The following ACOX1 variants were observed in gnomAD, a reference collection of about 807,000 sequenced individuals.
The protein encoded by ACOX1 is peroxisomal acyl-coenzyme A oxidase 1.
ACOX1 carries 41 observed loss-of-function variants against 75.5 expected under a neutral mutation model. The observed-to-expected ratio is 0.54, with a 90% confidence interval of 0.42 to 0.70. The LOEUF is 0.70. ACOX1 is among the 30% of genes least tolerant of loss of function. The pLI is 0.00. For missense variants in ACOX1, 630 were observed against 837.5 expected (o/e 0.75, Z 3.06); for synonymous variants, 303 against 298.8 (o/e 1.01, Z -0.15).
chr17:75,971,196 C>T (rs1343691139), intron 2 of ACOX1, among the ~76,000 whole-genome samples: 1 of 151,008 alleles, frequency 6.6e-6, no homozygotes, highest in Admixed American at 6.7e-5. Context: ...GAGGGAGAGG[C>T]AGGAGAATCA....
At position 75,978,312 on chromosome 17, in the gene ACOX1, C is replaced by G. The variant is rs999767836; in HGVS notation, c.269+222G>C. Among the ~76,000 whole-genome samples the G allele has an allele frequency of 3.9e-5, 6 of 152,156 alleles. No individual in the cohort carries two copies. The highest frequency in any genetic ancestry group is 1.4e-4 in the African/African-American group (6 of 41,436). On this transcript the variant is annotated intron_variant, in intron 2 of 13. Coordinates refer to ENST00000293217, the MANE Select transcript of ACOX1 (RefSeq NM_004035.7). The surrounding 1 kb of genome is among the most constrained non-coding windows in gnomAD (Gnocchi z 4.2). ...GTTTCACCGTGTTAGCCAGAATGGT[C>G]TCGATCTCCTGACTTGGTGATCCGC...
chr17:75,946,819 A>C, intron 13 of ACOX1, 24 bp from the exon 14 acceptor site: 1 of 1,609,426 alleles, frequency 6.2e-7, no homozygotes, highest in South Asian at 1.1e-5. Flanking sequence ...AGAGAGAAGA[A>C]CTACTAATAA....
At chr17:75,969,877 A>G (rs1379708547) in intron 2 of ACOX1, among the ~76,000 whole-genome samples, 1 of 152,122 alleles carries the variant, frequency 6.6e-6, no homozygotes, top group Non-Finnish European at 1.5e-5. Context: ...GAGGAAGGGA[A>G]GAAGACAGAA....
In ACOX1 at chr17:75,950,698, A is replaced by G; in HGVS notation, c.1298+76T>C. 1.3e-6 allele frequency: 2 copies of G among 1,504,694 alleles called. No homozygotes were observed. The highest frequency in any genetic ancestry group is 1.8e-6 in the Non-Finnish European group (2 of 1,083,084). The allele number at this position is 1,504,694 out of a possible 1,614,324, so 93.2% of individuals were successfully genotyped here. A position where few individuals can be genotyped will look rare whatever the true frequency, so the allele number is the denominator to read the frequency against. On this transcript the variant is annotated intron_variant, in intron 9 of 13. Transcript: ENST00000293217. The surrounding 1 kb of genome is among the most constrained non-coding windows in gnomAD (Gnocchi z 4.3). ...TATATATATACGGTGAAGAAAAACC[A>G]TGGGAACAAGAACCTAGGAAAAGGA...
rs548830970 is a variant in ACOX1, at chr17:75,956,251, A to T, written c.539-304T>A. On this transcript the variant is annotated intron_variant, in intron 4 of 13. Transcript: ENST00000293217. ...CCCTTAAGGCAGTGCTGTCCAAAACAGTAATCACTAGCTACATGTGGCTTC... is the reference window on the plus strand; with the variant it reads ...CCCTTAAGGCAGTGCTGTCCAAAACTGTAATCACTAGCTACATGTGGCTTC... Among the ~76,000 whole-genome samples the T allele has an allele frequency of 5.9e-5, 9 of 152,324 alleles. No individual in the cohort carries two copies. The South Asian group carries it at 1.7e-3, about 28-fold the overall frequency.
chr17:75,953,322 C>T (rs1245002201), intron 7 of ACOX1, 129 bp downstream of exon 7: 1 of 1,004,742 alleles, frequency 1.0e-6, no homozygotes, highest in Admixed American at 2.0e-5. Context: ...AAATTACAGG[C>T]CCAGTTATCA....
intron 4 of ACOX1, 53 bp downstream of exon 4, chr17:75,957,406 A>G (rs1051593660): frequency 1.3e-6 from 2 of 1,492,848 alleles, no homozygotes; most frequent in African/African-American, 1.4e-5. Context: ...TTCTAAGCAA[A>G]ATCTCATGAC....
chr17:75,973,757 C>A (rs879018964), intron 2 of ACOX1: 1 of 1,614,038 alleles, frequency 6.2e-7, no homozygotes, highest in South Asian at 1.1e-5. Flanking sequence ...TTGAGGCCCA[C>A]AGGTTCCACA....
At chr17:75,972,287 A>G (rs1298179091) in intron 2 of ACOX1, among the ~76,000 whole-genome samples, 1 of 148,802 alleles carries the variant, frequency 6.7e-6, no homozygotes, top group Non-Finnish European at 1.5e-5. Context: ...AGATGGCACA[A>G]CTGCACTCCA....
Position 75,960,321 on chromosome 17 carries a change from C to G in ACOX1, c.324G>C (p.Leu108=), listed in dbSNP as rs1188720297. ...CAGTTGCCTGGTGAAGCAAGGTGGG[C>G]AGGAACATGCCCAAGTGAAGATCCA... ...EPLDLHLGMF[L]PTLLHQATAE... The change falls in exon 3 of 14, where the codon CTG becomes CTC. Residue 108 remains leucine (L), a synonymous_variant. Coordinates refer to ENST00000293217, the MANE Select transcript of ACOX1 (RefSeq NM_004035.7). This position sits in a 1 kb window ranked among gnomAD's most constrained non-coding sequence, Gnocchi z 4.4. 3.7e-6 allele frequency: 6 copies of G among 1,614,186 alleles called. No individual in the cohort carries two copies. In the Admixed American group the frequency reaches 8.3e-5, roughly 22 times the overall value.
At chr17:75,956,998 T>C (rs1419642420) in intron 4 of ACOX1, among the ~76,000 whole-genome samples, 4 of 72,536 alleles carry the variant, frequency 5.5e-5, no homozygotes, top group South Asian at 5.3e-4. Flanking sequence ...TATATATATA[T>C]ATATATATAT....
chr17:75,975,069 A>G (rs1350934588), intron 2 of ACOX1, among the ~76,000 whole-genome samples: 5 of 151,004 alleles, frequency 3.3e-5, no homozygotes, highest in East Asian at 3.9e-4. Context: ...AAAAAAAAAA[A>G]AAAAGAAAGA....
rs1403521127 is a variant in ACOX1, at chr17:75,945,843, T to C, written c.*905A>G. On this transcript the variant is annotated 3_prime_UTR_variant, in exon 14 of 14. Coordinates refer to ENST00000293217, the MANE Select transcript of ACOX1 (RefSeq NM_004035.7). ...TTTCTGAACCAAAAATCAGAACACA[T>C]GGTTTGTGTCAAAGGGTTTTTCTGT... 2 of 152,432 alleles carry C rather than the reference T, an allele frequency of 1.3e-5. No individual in the cohort carries two copies. Among genetic ancestry groups the C allele is most frequent in the Non-Finnish European group, 2.9e-5 (2 of 67,974 alleles). 9.4% of individuals were successfully genotyped at this position (152,432 alleles called of 1,614,324 possible). A position where few individuals can be genotyped will look rare whatever the true frequency, so the allele number is the denominator to read the frequency against.
At chr17:75,973,435 G>A (rs1046707015) in intron 2 of ACOX1, 22 of 646,524 alleles carry the variant, frequency 3.4e-5, no homozygotes, top group African/African-American at 2.4e-4. Context: ...AGTGAATGAC[G>A]TTTATAGGCC....
At chr17:75,947,745 T>G (rs1253340547) in intron 13 of ACOX1, among the ~76,000 whole-genome samples, 1 of 151,230 alleles carries the variant, frequency 6.6e-6, no homozygotes, top group Non-Finnish European at 1.5e-5. Context: ...GTTTTGCTCT[T>G]GTCACCCAGG....
rs573724013 is a variant in ACOX1 at position 75,957,036 on chromosome 17, T to C, written c.538+423A>G. On this transcript the variant is annotated intron_variant, in intron 4 of 13. Transcript: ENST00000293217. ...ACACACACACCTCTCTCTGTCTATA[T>C]ACACACACACACACCCCTCTATGTA... Among the ~76,000 whole-genome samples, 296 of 142,740 alleles carry C rather than the reference T, an allele frequency of 2.1e-3. 1 individual carries two copies. The highest frequency in any genetic ancestry group is 3.1e-3 in the Non-Finnish European group (202 of 65,460). 93.6% of individuals were successfully genotyped at this position (142,740 alleles called of 152,430 possible). A position where few individuals can be genotyped will look rare whatever the true frequency, so the allele number is the denominator to read the frequency against.
chr17:75,953,204 TAAA>T, intron 7 of ACOX1: 1 of 394,674 alleles, frequency 2.5e-6, no homozygotes, highest in South Asian at 2.4e-5. Context: ...CTTAAAAAGT[TAAA>T]AATAATAAGG....
chr17:75,970,184 C>CAAAAAAAAAAAAAAAAAAAAAAAAAA (rs55762557), intron 2 of ACOX1, among the ~76,000 whole-genome samples: 11 of 69,072 alleles, frequency 1.6e-4, no homozygotes, highest in Middle Eastern at 8.9e-3. Context: ...GAGACTCCTT[C>CAAAAAAAAAAAAAAAAAAAAAAAAAA]AAAAAAAAAA....
intron 3 of ACOX1, among the ~76,000 whole-genome samples, chr17:75,958,570 G>A (rs181622093): frequency 0.013 from 1,909 of 145,136 alleles, 31 homozygotes; most frequent in Middle Eastern, 0.049. Context: ...GCACTTTGGG[G>A]GGCCAAGGCG....
Sources: gnomAD v4.1 joint callset for allele counts (sites outside exome capture counted in the v4.1 genomes callset) on GRCh38, gnomAD v4.1.1 for gene constraint, Gnocchi (gnomAD v3.1) non-coding constraint, MANE v1.5 for transcripts, NCBI Gene and HGNC (gene_info 2026-07-23, HGNC 2026-07-21) for gene names.